FBXL7: variants seen among roughly 807,000 people sequenced by gnomAD.
FBXL7 encodes the protein F-box and leucine rich repeat protein 7.
FBXL7 carries 12 observed loss-of-function variants against 38.3 expected under a neutral mutation model. The observed-to-expected ratio is 0.31, with a 90% CI of 0.20 to 0.51. The LOEUF (loss-of-function observed/expected upper bound fraction) is 0.51, where lower values mean the gene tolerates loss of function less well. Among genes scored for constraint, FBXL7 ranks in the 20% least tolerant of loss-of-function variants. The probability of loss-of-function intolerance (pLI) is 0.98; values close to 1 mark genes in which losing one functional copy is unlikely to be tolerated. For missense variants in FBXL7, 567 were observed against 676.4 expected, an observed-to-expected ratio of 0.84 and a Z score of 1.79; for synonymous variants, 297 against 300.9, an observed-to-expected ratio of 0.99 and a Z score of 0.13.
intron 1 of FBXL7, among the ~76,000 whole-genome samples, chr5:15,516,184 A>G (rs1198989836): frequency 1.3e-5 from 2 of 152,190 alleles, no homozygotes; most frequent in Non-Finnish European, 2.9e-5. Flanking sequence ...TGGCCAAACC[A>G]GGAAACTCAG....
intron 2 of FBXL7, among the ~76,000 whole-genome samples, chr5:15,786,380 C>T (rs1274599395): frequency 6.6e-6 from 1 of 152,152 alleles, no homozygotes. Context: ...AGGTCTACCA[C>T]TGCCTGGATT....
chr5:15,587,165 T>C (rs1561039872), intron 1 of FBXL7, among the ~76,000 whole-genome samples: 1 of 152,322 alleles, frequency 6.6e-6, no homozygotes, highest in East Asian at 1.9e-4. Context: ...ACAGACACAA[T>C]CTCTGTTGCT....
At chr5:15,836,389 A>C (rs1211677104) in intron 2 of FBXL7, among the ~76,000 whole-genome samples, 1 of 152,218 alleles carries the variant, frequency 6.6e-6, no homozygotes, top group African/African-American at 2.4e-5. Flanking sequence ...ATACAGAACA[A>C]AAAGAAAAAG....
intron 2 of FBXL7, among the ~76,000 whole-genome samples, chr5:15,836,161 G>A (rs189373405): frequency 1.8e-4 from 27 of 152,162 alleles, no homozygotes; most frequent in Admixed American, 3.9e-4. Flanking sequence ...TCTTATCATT[G>A]TACCATATTC....
rs1241167779 is a variant in FBXL7, at chr5:15,937,252, G to A, written c.*66G>A. On this transcript the variant is annotated 3_prime_UTR_variant, in exon 4 of 4. Transcript: ENST00000504595. ...AACAAAGCAAATTTTTTTAAAAGCA[G>A]CGTATGTAAGCACCGACACCCACTC... The A allele has an allele frequency of 3.4e-6, 5 of 1,451,214 alleles. No homozygotes were observed. The highest frequency in any genetic ancestry group is 2.7e-6 in the Non-Finnish European group (3 of 1,102,418). The allele number at this position is 1,451,214 out of a possible 1,614,324, so 89.9% of individuals were successfully genotyped here.
chr5:15,735,354 A>G (rs983912468), intron 2 of FBXL7, among the ~76,000 whole-genome samples: 10 of 152,254 alleles, frequency 6.6e-5, no homozygotes, highest in Non-Finnish European at 1.0e-4. Flanking sequence ...AATCAAAGTA[A>G]TAACAAATGA....
intron 2 of FBXL7, among the ~76,000 whole-genome samples, chr5:15,875,919 T>A (rs1184473659): frequency 6.6e-6 from 1 of 152,192 alleles, no homozygotes; most frequent in African/African-American, 2.4e-5. Context: ...CCCAAAGGAT[T>A]ATAAATCATT....
intron 2 of FBXL7, among the ~76,000 whole-genome samples, chr5:15,805,079 C>A (rs1442144329): frequency 6.6e-6 from 1 of 152,182 alleles, no homozygotes; most frequent in East Asian, 1.9e-4. Context: ...ATGTGTCTAT[C>A]ATAACTGCCT....
intron 2 of FBXL7, among the ~76,000 whole-genome samples, chr5:15,740,650 G>T (rs1402559941): frequency 6.6e-6 from 1 of 152,130 alleles, no homozygotes; most frequent in Non-Finnish European, 1.5e-5. Flanking sequence ...GCTGGCAAAT[G>T]GTTGTGTTTT....
chr5:15,661,512 T>C (rs1742074116), intron 2 of FBXL7, among the ~76,000 whole-genome samples: 1 of 151,374 alleles, frequency 6.6e-6, no homozygotes, highest in Non-Finnish European at 1.5e-5. Context: ...AAATAATATA[T>C]AGTTAGTTAT....
At chr5:15,770,820 C>A (rs888532506) in intron 2 of FBXL7, among the ~76,000 whole-genome samples, 2 of 152,162 alleles carry the variant, frequency 1.3e-5, no homozygotes, top group African/African-American at 4.8e-5. Flanking sequence ...CTAAGCATGC[C>A]TGGCTCTAAT....
chr5:15,563,209 CTT>C (rs1340085321), intron 1 of FBXL7, among the ~76,000 whole-genome samples: 1 of 152,096 alleles, frequency 6.6e-6, no homozygotes, highest in Non-Finnish European at 1.5e-5. Context: ...ATTTATTCCT[CTT>C]TGCATCTTCA....
rs146920622 is a variant in FBXL7 at position 15,599,823 on chromosome 5, T to C, written c.38-16160T>C. Among the ~76,000 whole-genome samples, 750 of 152,278 alleles carry C rather than the reference T, an allele frequency of 4.9e-3. 5 individuals are homozygous for C. Among genetic ancestry groups the C allele is most frequent in the African/African-American group, 0.018 (729 of 41,552 alleles). On this transcript the variant is annotated intron_variant, in intron 1 of 3. Coordinates refer to ENST00000504595, the MANE Select transcript of FBXL7 (RefSeq NM_012304.5). ...TTATGTCAGCTGAAAAATGACGAGG[T>C]TCATAAATTTGGAAAGGAGAGCTTT...
chr5:15,776,636 A>G (rs1196604172), intron 2 of FBXL7, among the ~76,000 whole-genome samples: 1 of 152,172 alleles, frequency 6.6e-6, no homozygotes, highest in African/African-American at 2.4e-5. Flanking sequence ...ATGGTGAGGC[A>G]GGAAAAAATT....
At chr5:15,530,592 A>C (rs1388158860) in intron 1 of FBXL7, among the ~76,000 whole-genome samples, 2 of 152,214 alleles carry the variant, frequency 1.3e-5, no homozygotes, top group African/African-American at 4.8e-5. Context: ...AGAAGGACTC[A>C]TAGGACTCAG....
intron 1 of FBXL7, among the ~76,000 whole-genome samples, chr5:15,573,693 C>T (rs1014317389): frequency 6.6e-6 from 1 of 152,176 alleles, no homozygotes; most frequent in African/African-American, 2.4e-5. Flanking sequence ...TTAGGGAATG[C>T]TCGGGTCACT....
intron 1 of FBXL7, among the ~76,000 whole-genome samples, chr5:15,523,406 A>C (rs1241978970): frequency 2.0e-5 from 3 of 152,072 alleles, no homozygotes; most frequent in Non-Finnish European, 2.9e-5. Flanking sequence ...AAAATACAAA[A>C]AAATTAGCTG....
chr5:15,628,124 T>TTA (rs1273049802), intron 2 of FBXL7, among the ~76,000 whole-genome samples: 3 of 152,178 alleles, frequency 2.0e-5, no homozygotes, highest in African/African-American at 7.2e-5. Context: ...GTTAATTATT[T>TTA]TATATATATA....
At chr5:15,841,208 G>T (rs1161529098) in intron 2 of FBXL7, among the ~76,000 whole-genome samples, 1 of 151,830 alleles carries the variant, frequency 6.6e-6, no homozygotes, top group Non-Finnish European at 1.5e-5. Flanking sequence ...TTTTGGTAGT[G>T]GTTGGAATTT....
Sources: allele counts gnomAD v4.1 joint callset (sites outside exome capture counted in the v4.1 genomes callset), GRCh38; gene constraint gnomAD v4.1.1; transcripts MANE v1.5; gene names NCBI Gene and HGNC (gene_info 2026-07-23, HGNC 2026-07-21).